FILIP1: variants seen among roughly 807,000 people sequenced by gnomAD.
The protein encoded by FILIP1 is filamin A interacting protein 1, also known as filamin-A-interacting protein 1.
A neutral mutation model predicts 102.1 loss-of-function variants in FILIP1; 61 were observed. That is an observed-to-expected ratio of 0.60 (90% confidence interval 0.49 to 0.74). The LOEUF (loss-of-function observed/expected upper bound fraction) is 0.74. FILIP1 is among the 30% of genes least tolerant of loss of function. FILIP1 has a pLI of 0.00. For missense variants in FILIP1, 1,314 were observed against 1,441.2 expected, an observed-to-expected ratio of 0.91 and a Z score of 1.43; for synonymous variants, 491 against 526.9, an observed-to-expected ratio of 0.93 and a Z score of 0.93.
chr6:75,461,952 A>G (rs1779035828), intron 1 of FILIP1, among the ~76,000 whole-genome samples: 1 of 152,154 alleles, frequency 6.6e-6, no homozygotes, highest in African/African-American at 2.4e-5. Flanking sequence ...TCACTTGAAA[A>G]GTGAGGCATG....
chr6:75,346,258 T>C (rs1774579925), intron 4 of FILIP1, among the ~76,000 whole-genome samples: 1 of 152,224 alleles, frequency 6.6e-6, no homozygotes, highest in South Asian at 2.1e-4. Context: ...AGTAAATTAA[T>C]TCATGGCATA....
At chr6:75,375,846 C>A (rs1775734357) in intron 2 of FILIP1, among the ~76,000 whole-genome samples, 1 of 152,128 alleles carries the variant, frequency 6.6e-6, no homozygotes, top group African/African-American at 2.4e-5. Flanking sequence ...ACACATTTGA[C>A]CAAGTTAGCA....
At chr6:75,461,407 T>G (rs1364332822) in intron 1 of FILIP1, among the ~76,000 whole-genome samples, 1 of 152,218 alleles carries the variant, frequency 6.6e-6, no homozygotes, top group East Asian at 1.9e-4. Context: ...GGGCATAGAA[T>G]TTTTCCTTTG....
At chr6:75,337,073 C>G (rs1389420190) in intron 4 of FILIP1, among the ~76,000 whole-genome samples, 5 of 152,066 alleles carry the variant, frequency 3.3e-5, no homozygotes, top group African/African-American at 1.2e-4. Context: ...CAGGCATTGT[C>G]TTAGACACTG....
chr6:75,388,047 GT>G (rs1776157860), intron 2 of FILIP1, among the ~76,000 whole-genome samples: 1 of 152,092 alleles, frequency 6.6e-6, no homozygotes, highest in African/African-American at 2.4e-5. Flanking sequence ...CCCATCTTGA[GT>G]TAATTTTTGT....
chr6:75,428,186 AATATT>A (rs1334831692), intron 1 of FILIP1, among the ~76,000 whole-genome samples: 1 of 152,114 alleles, frequency 6.6e-6, no homozygotes, highest in Non-Finnish European at 1.5e-5. Context: ...GTCTCAGTCC[AATATT>A]ACTTTCTTGG....
At chr6:75,410,396 A>ATT (rs879570066) in intron 2 of FILIP1, among the ~76,000 whole-genome samples, 1 of 143,570 alleles carries the variant, frequency 7.0e-6, no homozygotes, top group Non-Finnish European at 1.5e-5. Flanking sequence ...TTTTTTTGAG[A>ATT]TTTTTTTTTT....
chr6:75,410,374 T>C (rs1777022045), intron 2 of FILIP1, among the ~76,000 whole-genome samples: 2 of 152,046 alleles, frequency 1.3e-5, no homozygotes, highest in South Asian at 2.1e-4. Flanking sequence ...ACCTAGCACA[T>C]AACTTCCACA....
Position 75,353,610 on chromosome 6 carries a change from C to T in FILIP1, c.558G>A (p.Glu186=), listed in dbSNP as rs1431911319. 1 of 1,614,216 alleles carries T rather than the reference C, an allele frequency of 6.2e-7. No homozygotes were observed. The highest frequency in any genetic ancestry group is 8.5e-7 in the Non-Finnish European group (1 of 1,180,044). Residue 186 remains glutamate (E), a synonymous_variant, in exon 4 of 6, where the codon GAG becomes GAA. Transcript: ENST00000237172. ...TCATGTAGTCAGTGTGTTTATGCTT[C>T]TCGTTCTCTAACTCGTATACGGTGC... ...HRRTVYELEN[E]KHKHTDYMNK...
chr6:75,335,299 A>AT (rs1018079427), intron 4 of FILIP1, among the ~76,000 whole-genome samples: 18 of 152,074 alleles, frequency 1.2e-4, no homozygotes, highest in Admixed American at 1.3e-4. Context: ...TTTTACTTGA[A>AT]TTTTTTTCCC....
intron 1 of FILIP1, among the ~76,000 whole-genome samples, chr6:75,437,720 G>C (rs1022101340): frequency 3.3e-5 from 5 of 152,204 alleles, no homozygotes; most frequent in Admixed American, 2.6e-4. Context: ...GATCTGCTGA[G>C]AACATGTTTG....
intron 2 of FILIP1, among the ~76,000 whole-genome samples, chr6:75,369,556 A>G (rs1231704745): frequency 6.7e-6 from 1 of 148,838 alleles, no homozygotes; most frequent in Non-Finnish European, 1.5e-5. Context: ...ACTGTATTTT[A>G]AACTTGTGTG....
chr6:75,434,114 A>C (rs1777931104), intron 1 of FILIP1, among the ~76,000 whole-genome samples: 1 of 152,170 alleles, frequency 6.6e-6, no homozygotes, highest in Admixed American at 6.5e-5. Context: ...GTGTGAAGTC[A>C]GGTAGTGTGA....
intron 1 of FILIP1, among the ~76,000 whole-genome samples, chr6:75,476,587 A>G (rs1481532274): frequency 6.6e-6 from 1 of 152,228 alleles, no homozygotes; most frequent in East Asian, 1.9e-4. Flanking sequence ...CCTATTCTAT[A>G]TGCATATTTT....
At chr6:75,396,455 G>C (rs1776463998) in intron 2 of FILIP1, among the ~76,000 whole-genome samples, 1 of 152,036 alleles carries the variant, frequency 6.6e-6, no homozygotes, top group African/African-American at 2.4e-5. Flanking sequence ...AGCTATGTGA[G>C]GTCAGGGACT....
intron 1 of FILIP1, among the ~76,000 whole-genome samples, chr6:75,471,936 G>C (rs76743243): frequency 0.026 from 3,809 of 145,314 alleles, 160 homozygotes; most frequent in African/African-American, 0.1. Flanking sequence ...GACTAAGATA[G>C]GGGCATTGGA....
chr6:75,403,276 G>C (rs1246690532), intron 2 of FILIP1, among the ~76,000 whole-genome samples: 1 of 152,072 alleles, frequency 6.6e-6, no homozygotes, highest in East Asian at 1.9e-4. Context: ...CACTTTGGGA[G>C]GCTGAGATGG....
At chr6:75,399,884 G>A (rs745634386) in intron 2 of FILIP1, among the ~76,000 whole-genome samples, 5 of 152,162 alleles carry the variant, frequency 3.3e-5, no homozygotes, top group Admixed American at 6.5e-5. Context: ...GTAACCTGAA[G>A]AGTATAATGC....
chr6:75,421,260 A>T (rs952225905), intron 1 of FILIP1, among the ~76,000 whole-genome samples: 3 of 152,152 alleles, frequency 2.0e-5, no homozygotes, highest in Non-Finnish European at 4.4e-5. Flanking sequence ...ACAATTTTGC[A>T]GGATGGAAAG....
Sources: allele counts gnomAD v4.1 joint callset (sites outside exome capture counted in the v4.1 genomes callset), GRCh38; gene constraint gnomAD v4.1.1; transcripts MANE v1.5; gene names NCBI Gene and HGNC (gene_info 2026-07-23, HGNC 2026-07-21).